PTPRR: variants seen among roughly 807,000 people sequenced by gnomAD.
PTPRR encodes the protein protein tyrosine phosphatase receptor type R.
A neutral mutation model predicts 77.2 loss-of-function variants in PTPRR; 38 were observed. The observed-to-expected ratio is 0.49, with a 90% confidence interval of 0.38 to 0.65. PTPRR has a LOEUF of 0.65. Ranked by LOEUF, PTPRR falls within the 30% of genes least tolerant of loss-of-function variation. The pLI is 0.00. For missense variants in PTPRR, 744 were observed against 799.2 expected (o/e 0.93, Z 0.83); for synonymous variants, 299 against 283.1 (o/e 1.06, Z -0.57).
At chr12:70,686,595 GT>G (rs1305638008) in intron 8 of PTPRR, among the ~76,000 whole-genome samples, 4 of 152,162 alleles carry the variant, frequency 2.6e-5, no homozygotes, top group Non-Finnish European at 5.9e-5. Flanking sequence ...AGGTATTACA[GT>G]TTCCTCCTTG....
intron 2 of PTPRR, among the ~76,000 whole-genome samples, chr12:70,852,984 T>C (rs578041708): frequency 7.2e-5 from 11 of 152,308 alleles, no homozygotes; most frequent in Admixed American, 5.9e-4. Flanking sequence ...CAAATTTCTA[T>C]CTTATGTTCC....
At chr12:70,789,885 T>G (rs1289642307) in intron 2 of PTPRR, among the ~76,000 whole-genome samples, 1 of 152,182 alleles carries the variant, frequency 6.6e-6, no homozygotes, top group Non-Finnish European at 1.5e-5. Context: ...ATTCCCCATC[T>G]GCAAATTTAT....
intron 5 of PTPRR, among the ~76,000 whole-genome samples, chr12:70,749,851 A>G (rs958887200): frequency 6.6e-6 from 1 of 152,168 alleles, no homozygotes; most frequent in Non-Finnish European, 1.5e-5. Flanking sequence ...AGACATCTCT[A>G]GCTATATTTC....
At chr12:70,751,141 G>A (rs555486083) in intron 5 of PTPRR, among the ~76,000 whole-genome samples, 5 of 152,078 alleles carry the variant, frequency 3.3e-5, no homozygotes, top group South Asian at 2.1e-4. Flanking sequence ...ATCTGAACAC[G>A]CTCATCCTCA....
chr12:70,640,166 A>G (rs1885944449), intron 13 of PTPRR, among the ~76,000 whole-genome samples: 1 of 152,042 alleles, frequency 6.6e-6, no homozygotes, highest in South Asian at 2.1e-4. Context: ...CTTCATAATT[A>G]TGATCCTTTT....
intron 2 of PTPRR, among the ~76,000 whole-genome samples, chr12:70,808,474 C>T (rs1891750650): frequency 6.6e-6 from 1 of 152,108 alleles, no homozygotes; most frequent in Non-Finnish European, 1.5e-5. Context: ...ATCACAGAAC[C>T]TGCTGACATG....
intron 2 of PTPRR, among the ~76,000 whole-genome samples, chr12:70,892,239 A>G (rs930118675): frequency 6.6e-6 from 1 of 151,952 alleles, no homozygotes; most frequent in Non-Finnish European, 1.5e-5. Context: ...CTCCCCTTTC[A>G]GTTGTCTTAT....
At chr12:70,857,706 T>C (rs1892677005) in intron 2 of PTPRR, among the ~76,000 whole-genome samples, 1 of 152,110 alleles carries the variant, frequency 6.6e-6, no homozygotes, top group Non-Finnish European at 1.5e-5. Context: ...AGATTGTCTA[T>C]GAATGCGATG....
intron 6 of PTPRR, among the ~76,000 whole-genome samples, chr12:70,741,995 A>G (rs919566445): frequency 6.6e-6 from 1 of 152,106 alleles, no homozygotes. Flanking sequence ...GAAAAAGAGG[A>G]AGAGAGAGAG....
At chr12:70,815,690 G>A in intron 2 of PTPRR, among the ~76,000 whole-genome samples, 1 of 152,242 alleles carries the variant, frequency 6.6e-6, no homozygotes, top group South Asian at 2.1e-4. Flanking sequence ...AAGCATTTAG[G>A]TTGTTACTTC....
intron 6 of PTPRR, among the ~76,000 whole-genome samples, chr12:70,724,657 A>G (rs865784233): frequency 6.6e-6 from 1 of 152,086 alleles, no homozygotes; most frequent in African/African-American, 2.4e-5. Flanking sequence ...ACTGACCCCT[A>G]TTGGTAGTTA....
chr12:70,685,220 G>T (rs1042432977), intron 8 of PTPRR, among the ~76,000 whole-genome samples: 2 of 151,976 alleles, frequency 1.3e-5, no homozygotes, highest in Non-Finnish European at 2.9e-5. Flanking sequence ...ACCTCACCTT[G>T]TCTGACCATT....
At chr12:70,785,894 A>G (rs1156303836) in intron 2 of PTPRR, among the ~76,000 whole-genome samples, 1 of 152,164 alleles carries the variant, frequency 6.6e-6, no homozygotes, top group Non-Finnish European at 1.5e-5. Flanking sequence ...AGTCAACAGA[A>G]CTTTCCACCT....
At chr12:70,669,422 T>C (rs1887127783) in intron 10 of PTPRR, among the ~76,000 whole-genome samples, 1 of 151,296 alleles carries the variant, frequency 6.6e-6, no homozygotes. Context: ...AAATATATCT[T>C]CCAAAGCTAT....
intron 10 of PTPRR, among the ~76,000 whole-genome samples, chr12:70,675,146 T>C (rs1887395828): frequency 6.6e-6 from 1 of 152,066 alleles, no homozygotes; most frequent in Admixed American, 6.5e-5. Flanking sequence ...ACTTGACTTT[T>C]GATTAGTATT....
At chr12:70,754,097 G>A (rs976090428) in intron 5 of PTPRR, 94 bp downstream of exon 5, 11 of 1,188,750 alleles carry the variant, frequency 9.3e-6, no homozygotes, top group Middle Eastern at 4.9e-4. Flanking sequence ...CTTCTGCTCG[G>A]AAGCATTTTA....
intron 2 of PTPRR, among the ~76,000 whole-genome samples, chr12:70,765,840 A>C (rs1890806912): frequency 6.6e-6 from 1 of 152,212 alleles, no homozygotes; most frequent in Non-Finnish European, 1.5e-5. Flanking sequence ...ATCAGACAGC[A>C]GCATTCGCAG....
At position 70,746,015 on chromosome 12, in the gene PTPRR, G is replaced by C. The variant is rs769263760; in HGVS notation, c.810C>G (p.His270Gln). 43 of 1,613,698 alleles carry C rather than the reference G, an allele frequency of 2.7e-5. No homozygotes were observed. The highest frequency in any genetic ancestry group is 5.0e-5 in the Admixed American group (3 of 59,986). ...RQDKEKNQEI[H>Q]LSPITLQPAL... is the part of the protein sequence containing the mutation. ...CTGGCTGTAATGTGATGGGCGATAG[G>C]TGGATCTCCTGGTTTTTCTCTTTGT... Residue 270 changes from histidine to glutamine, a missense_variant, in exon 6 of 14, where the codon CAC becomes CAG. His to Gln is a conservative substitution (Grantham distance 24). Coordinates refer to ENST00000283228, the MANE Select transcript of PTPRR (RefSeq NM_002849.4).
At position 70,707,099 on chromosome 12, in the gene PTPRR, A is replaced by T. The variant is rs963669725; in HGVS notation, c.1008-5776T>A. On this transcript the variant is annotated intron_variant, in intron 6 of 13. Transcript: ENST00000283228. ...TTAGTGATTAAGAGTTAGCAGCAGT[A>T]TCACACATGCAAAATCAATGGTCGT... Among the ~76,000 whole-genome samples the T allele has an allele frequency of 2.0e-5, 3 of 152,174 alleles. No homozygotes were observed. In the South Asian group the frequency reaches 6.2e-4, roughly 31 times the overall value.
Sources: gnomAD v4.1 joint callset for allele counts (sites outside exome capture counted in the v4.1 genomes callset) on GRCh38, gnomAD v4.1.1 for gene constraint, MANE v1.5 for transcripts, NCBI Gene and HGNC (gene_info 2026-07-23, HGNC 2026-07-21) for gene names.